Variants in CEP164 observed in about 807,000 individuals in gnomAD.
CEP164 encodes the protein centrosomal protein of 164 kDa.
Under a neutral mutation model 182.7 loss-of-function variants are expected in CEP164, and 162 were observed. The ratio of observed to expected loss-of-function variants is 0.89; its 90% CI spans 0.78 to 1.01. The LOEUF (loss-of-function observed/expected upper bound fraction) is 1.01, where lower values mean the gene tolerates loss of function less well. Among genes scored for constraint, CEP164 ranks in the 50% least tolerant of loss-of-function variants. CEP164 has a pLI of 0.00. For missense variants in CEP164, 1,735 were observed against 1,790.4 expected, an observed-to-expected ratio of 0.97 and a Z score of 0.56; for synonymous variants, 661 against 690.0, an observed-to-expected ratio of 0.96 and a Z score of 0.66.
At chr11:117,370,988 T>G in intron 8 of CEP164, 92 bp from the exon 9 acceptor site, 1 of 1,341,104 alleles carries the variant, frequency 7.5e-7, no homozygotes, top group Non-Finnish European at 1.0e-6. Context: ...CCTGTGGGAG[T>G]CAGGGAATAG....
intron 27 of CEP164, 88 bp from the exon 28 acceptor site, chr11:117,407,837 C>T (rs1396339373): frequency 1.1e-6 from 1 of 885,022 alleles, no homozygotes; most frequent in African/African-American, 1.7e-5. Flanking sequence ...GTAATTTGTT[C>T]AAGATCACCC....
At chr11:117,377,113 G>A (rs954594175) in intron 11 of CEP164, among the ~76,000 whole-genome samples, 1 of 152,200 alleles carries the variant, frequency 6.6e-6, no homozygotes, top group African/African-American at 2.4e-5. Context: ...GGCCATCCCT[G>A]GCAGAGGAAG....
At chr11:117,362,044 G>T in intron 6 of CEP164, 51 bp downstream of exon 6, 1 of 1,487,826 alleles carries the variant, frequency 6.7e-7, no homozygotes, top group Non-Finnish European at 9.0e-7. Flanking sequence ...GGGGCCTCCC[G>T]TGTGCCATAC....
chr11:117,392,562 T>G lies in CEP164; in HGVS notation c.2428T>G (p.Cys810Gly), dbSNP rs760314582. Reference protein sequence around the residue: ...QQKEEAQLQKCLGQVEHRVHQ... With the variant: ...QQKEEAQLQKGLGQVEHRVHQ... ...GAAAGAGGAGGCCCAGCTGCAGAAG[T>G]GCCTTGGGCAAGTGGAGCACAGAGT... Residue 810 changes from cysteine (C) to glycine (G), a missense_variant, in exon 19 of 33, where the codon TGC (cysteine) becomes GGC (glycine). Cys to Gly is a radical substitution (Grantham distance 159). Transcript: ENST00000278935. 1 of 1,614,168 alleles carries G rather than the reference T, an allele frequency of 6.2e-7. No homozygotes were observed. Among genetic ancestry groups the G allele is most frequent in the South Asian group, 1.1e-5 (1 of 91,080 alleles).
chr11:117,378,743 A>G (rs1417990800), intron 11 of CEP164, among the ~76,000 whole-genome samples: 2 of 152,224 alleles, frequency 1.3e-5, no homozygotes, highest in East Asian at 3.8e-4. Context: ...AGGACCGTCC[A>G]TCTGGGTATT....
chr11:117,396,646 G>C (rs758637674), intron 26 of CEP164, 35 bp downstream of exon 26: 1 of 1,559,980 alleles, frequency 6.4e-7, no homozygotes, highest in South Asian at 1.1e-5. Context: ...TTGAGGTTAG[G>C]GTACCATGAA....
At chr11:117,353,944 G>A (rs114273729) in intron 5 of CEP164, among the ~76,000 whole-genome samples, 29 of 151,986 alleles carry the variant, frequency 1.9e-4, no homozygotes, top group African/African-American at 6.5e-4. Context: ...GCTTCTCTTC[G>A]CGCCCTGTTA....
chr11:117,400,550 G>A (rs1212145653), intron 27 of CEP164, among the ~76,000 whole-genome samples: 1 of 152,160 alleles, frequency 6.6e-6, no homozygotes, highest in Non-Finnish European at 1.5e-5. Flanking sequence ...GATGGGGATA[G>A]CATTGAATCT....
At chr11:117,351,681 T>A (rs2039646793) in intron 4 of CEP164, 109 bp from the exon 5 acceptor site, 18 of 985,928 alleles carry the variant, frequency 1.8e-5, no homozygotes, top group Non-Finnish European at 2.8e-5. Flanking sequence ...TCCACCCCAC[T>A]CTCTTCCTCC....
chr11:117,335,039 C>T (rs1393809107), intron 1 of CEP164, among the ~76,000 whole-genome samples: 3 of 152,144 alleles, frequency 2.0e-5, no homozygotes, highest in African/African-American at 7.2e-5. Context: ...GCCCGTGGAT[C>T]CTTTCCTTTT....
chr11:117,394,433 G>T lies in CEP164; in HGVS notation c.2700G>T (p.Glu900Asp). 6.2e-7 allele frequency: 1 copy of T among 1,614,102 alleles called. No homozygotes were observed. The highest frequency in any genetic ancestry group is 8.5e-7 in the Non-Finnish European group (1 of 1,180,004). The change falls in exon 21 of 33, where the codon GAG (glutamate) becomes GAT (aspartate). Residue 900 changes from glutamate (E) to aspartate (D), a missense_variant. Coordinates refer to ENST00000278935, the MANE Select transcript of CEP164 (RefSeq NM_014956.5). This position sits in a 1 kb window ranked among gnomAD's most constrained non-coding sequence, Gnocchi z 4.0. ...AGAGGGCCCATGAACGAGAACTGGA[G>T]ACTGTGAGGCAGGAGCAACACAAGC... The part of the protein sequence containing the change: ...RLQRAHEREL[E>D]TVRQEQHKRL...
At chr11:117,383,018 TGGTGGGA>T in intron 14 of CEP164, 76 bp downstream of exon 14, 6 of 1,504,578 alleles carry the variant, frequency 4.0e-6, no homozygotes, top group Middle Eastern at 2.4e-4. Flanking sequence ...CACTCTTGGG[TGGTGGGA>T]GGTGGGGCTC....
At chr11:117,324,744 G>A (rs927022764), upstream of CEP164, among the ~76,000 whole-genome samples, 8 of 152,168 alleles carry the variant, frequency 5.3e-5, no homozygotes, top group African/African-American at 1.4e-4. Flanking sequence ...GCTCATGCCT[G>A]TAATCCCAGC....
chr11:117,324,457 A>T (rs1245210310), upstream of CEP164, among the ~76,000 whole-genome samples: 1 of 150,772 alleles, frequency 6.6e-6, no homozygotes, highest in Non-Finnish European at 1.5e-5. Flanking sequence ...AAAAAAAAAA[A>T]TTTGTGTGTC....
chr11:117,331,923 C>T (rs777200024), intron 1 of CEP164, among the ~76,000 whole-genome samples: 1 of 151,618 alleles, frequency 6.6e-6, no homozygotes, highest in Non-Finnish European at 1.5e-5. Context: ...GATCACATAG[C>T]TCCTGCCTCA....
At position 117,412,390 on chromosome 11, in the gene CEP164, C is replaced by A; in HGVS notation, c.*222C>A. The A allele has an allele frequency of 2.4e-6, 1 of 421,166 alleles. No homozygotes were observed. The highest frequency in any genetic ancestry group is 3.2e-5 in the South Asian group (1 of 31,008). The allele number at this position is 421,166 out of a possible 1,614,324, so 26.1% of individuals were successfully genotyped here. A position where few individuals can be genotyped will look rare whatever the true frequency, so the allele number is the denominator to read the frequency against. ...TGTGTGGACTCGTACGAGCTCTTGT[C>A]ATTGACATGGCAAGCTGATGGCGTG... is the stretch of plus-strand genomic sequence containing the variant. On this transcript the variant is annotated 3_prime_UTR_variant, in exon 33 of 33. Coordinates refer to ENST00000278935, the MANE Select transcript of CEP164 (RefSeq NM_014956.5).
chr11:117,384,323 G>A (rs893318296), intron 14 of CEP164, among the ~76,000 whole-genome samples: 8 of 152,210 alleles, frequency 5.3e-5, no homozygotes, highest in African/African-American at 1.7e-4. Flanking sequence ...GTGGTGTATG[G>A]AAGGGGTGGT....
chr11:117,338,031 T>C (rs645305), intron 2 of CEP164, among the ~76,000 whole-genome samples: 34,796 of 152,006 alleles, frequency 0.23, 4,128 homozygotes, highest in African/African-American at 0.28. Context: ...TTTGCCCTTA[T>C]CTTAGCACTC....
rs761454528 is a variant in CEP164 at position 117,387,369 on chromosome 11, G to T, written c.1891G>T (p.Glu631Ter). ...LREKLCQEEE[E>*]EILRLHQQKE... ...GGAGAAGCTGTGCCAAGAGGAGGAA[G>T]AGGAGATCCTCCGGCTTCACCAGCA... Residue 631 changes from glutamate to a stop codon, truncating the protein, a stop_gained, in exon 15 of 33, where the codon GAG becomes TAG. Coordinates refer to ENST00000278935, the MANE Select transcript of CEP164 (RefSeq NM_014956.5). LOFTEE classifies it high-confidence loss of function. 6.2e-7 allele frequency: 1 copy of T among 1,614,176 alleles called. No homozygotes were observed. The highest frequency in any genetic ancestry group is 8.5e-7 in the Non-Finnish European group (1 of 1,180,044).
Sources: allele counts gnomAD v4.1 joint callset (sites outside exome capture counted in the v4.1 genomes callset), GRCh38; gene constraint gnomAD v4.1.1; non-coding constraint Gnocchi (gnomAD v3.1); transcripts MANE v1.5; gene names NCBI Gene and HGNC (gene_info 2026-07-23, HGNC 2026-07-21).